The following ATG16L1 variants were observed in gnomAD, a reference collection of about 807,000 sequenced individuals.
ATG16L1 encodes the protein autophagy related 16 like 1, also known as autophagy-related protein 16-1.
ATG16L1 carries 37 observed loss-of-function variants against 88.5 expected under a neutral mutation model. The ratio of observed to expected loss-of-function variants is 0.42; its 90% CI spans 0.32 to 0.55. The LOEUF is 0.55. Among genes scored for constraint, ATG16L1 ranks in the 20% least tolerant of loss-of-function variants. The pLI, the probability that ATG16L1 is intolerant of heterozygous loss-of-function variation, is 0.13. For synonymous variants in ATG16L1, 301 were observed against 281.0 expected, an observed-to-expected ratio of 1.07 and a Z score of -0.71; for missense variants, 554 against 752.8, an observed-to-expected ratio of 0.74 and a Z score of 3.09.
At chr2:233,272,304 T>C (rs146910824) in intron 6 of ATG16L1, among the ~76,000 whole-genome samples, 53 of 152,348 alleles carry the variant, frequency 3.5e-4, no homozygotes, top group African/African-American at 1.3e-3. Flanking sequence ...TCCTATGACT[T>C]GATTATGTCA....
At position 233,251,680 on chromosome 2, in the gene ATG16L1, C is replaced by G. The variant is rs1696373717; in HGVS notation, c.-148C>G. On this transcript the variant is annotated 5_prime_UTR_variant, in exon 1 of 18. Coordinates refer to ENST00000392017, the MANE Select transcript of ATG16L1 (RefSeq NM_030803.7). ...TTTCCGGCATGAGCCGGAAGACCGT[C>G]CCGGATGGCCTCGGGGACTGCCAGT... 1.5e-6 allele frequency: 1 copy of G among 679,886 alleles called. No individual in the cohort carries two copies. The highest frequency in any genetic ancestry group is 3.0e-5 in the East Asian group (1 of 33,474). 42.1% of individuals were successfully genotyped at this position (679,886 alleles called of 1,614,324 possible). A position where few individuals can be genotyped will look rare whatever the true frequency, so the allele number is the denominator to read the frequency against.
At chr2:233,284,662 G>C (rs1698958771) in intron 12 of ATG16L1, among the ~76,000 whole-genome samples, 2 of 152,072 alleles carry the variant, frequency 1.3e-5, no homozygotes, top group South Asian at 4.1e-4. Flanking sequence ...TAGAGACGGG[G>C]TTTCCCCATG....
chr2:233,293,443 G>C, intron 17 of ATG16L1, 86 bp downstream of exon 17: 1 of 1,276,140 alleles, frequency 7.8e-7, no homozygotes, highest in African/African-American at 1.5e-5. Flanking sequence ...TTAGACCTCA[G>C]TCGGCGCTGT....
intron 9 of ATG16L1, chr2:233,277,283 TAGAAC>T: frequency 7.2e-6 from 2 of 277,446 alleles, no homozygotes; most frequent in Non-Finnish European, 7.0e-6. Context: ...CCATTATTGT[TAGAAC>T]AGATGAAATT....
intron 14 of ATG16L1, among the ~76,000 whole-genome samples, chr2:233,291,584 T>C (rs1482389410): frequency 1.3e-5 from 2 of 152,110 alleles, no homozygotes; most frequent in Non-Finnish European, 2.9e-5. Context: ...GGGTGGCTGT[T>C]AGCCACCCTG....
chr2:233,253,553 C>T (rs760701824), intron 1 of ATG16L1, among the ~76,000 whole-genome samples: 1 of 151,944 alleles, frequency 6.6e-6, no homozygotes, highest in Non-Finnish European at 1.5e-5. Context: ...ACCATGTTGG[C>T]CAGGCGGATC....
chr2:233,274,281 T>G, intron 8 of ATG16L1: 1 of 516,828 alleles, frequency 1.9e-6, no homozygotes, highest in South Asian at 3.4e-5. Flanking sequence ...TCACAAGTGA[T>G]GAGGTTGATT....
chr2:233,257,771 C>A (rs1665727318), intron 2 of ATG16L1, among the ~76,000 whole-genome samples: 1 of 152,034 alleles, frequency 6.6e-6, no homozygotes, highest in South Asian at 2.1e-4. Flanking sequence ...CTTTGGGAGG[C>A]CAAGGCGGGT....
intron 5 of ATG16L1, among the ~76,000 whole-genome samples, chr2:233,265,586 C>G (rs1468509985): frequency 6.6e-6 from 1 of 152,204 alleles, no homozygotes; most frequent in Non-Finnish European, 1.5e-5. Flanking sequence ...TCTCCTGCCT[C>G]AGCCTCCTAA....
intron 16 of ATG16L1, 66 bp downstream of exon 16, chr2:233,292,500 A>G: frequency 6.2e-7 from 1 of 1,602,168 alleles, no homozygotes; most frequent in Non-Finnish European, 8.5e-7. Flanking sequence ...GCATTTTCCC[A>G]CTGGGGATAT....
At chr2:233,286,334 C>T (rs1431032755) in intron 12 of ATG16L1, among the ~76,000 whole-genome samples, 1 of 152,152 alleles carries the variant, frequency 6.6e-6, no homozygotes, top group Admixed American at 6.5e-5. Flanking sequence ...CTTTGAGGCC[C>T]CGGCCTTGAT....
intron 6 of ATG16L1, among the ~76,000 whole-genome samples, chr2:233,271,092 A>G (rs1334309027): frequency 6.6e-6 from 1 of 152,224 alleles, no homozygotes; most frequent in Admixed American, 6.5e-5. Context: ...CAAGCCACAA[A>G]GTAAATAAAT....
At position 233,293,370 on chromosome 2, in the gene ATG16L1, C is replaced by T. The variant is rs1187777107; in HGVS notation, c.1730+13C>T. 6.2e-7 allele frequency: 1 copy of T among 1,607,486 alleles called. No individual in the cohort carries two copies. Among genetic ancestry groups the T allele is most frequent in the East Asian group, 2.2e-5 (1 of 44,850 alleles). ...CAAAGCAGCACAGGTAAGATGAACC[C>T]TGTCTCAGCCCCCCGTTGCGTTGTG... On this transcript the variant is annotated intron_variant, in intron 17 of 17. Coordinates refer to ENST00000392017, the MANE Select transcript of ATG16L1 (RefSeq NM_030803.7).
Position 233,270,082 on chromosome 2 carries a change from A to T in ATG16L1, c.707+15A>T, listed in dbSNP as rs1213831218. 16 of 1,565,490 alleles carry T rather than the reference A, an allele frequency of 1.0e-5. No individual in the cohort carries two copies. The highest frequency in any genetic ancestry group is 1.4e-5 in the Non-Finnish European group (16 of 1,163,752). ...CCAGTCGAACAGTAAGTAAAGATAA[A>T]TGAATCAAAACTGTGTTTCTGAAAA... On this transcript the variant is annotated intron_variant, in intron 6 of 17. Coordinates refer to ENST00000392017, the MANE Select transcript of ATG16L1 (RefSeq NM_030803.7).
chr2:233,267,340 C>T (rs1287415272), intron 5 of ATG16L1, among the ~76,000 whole-genome samples: 1 of 152,224 alleles, frequency 6.6e-6, no homozygotes, highest in Non-Finnish European at 1.5e-5. Context: ...CAGAGCAAGA[C>T]TCTGCCTCAA....
At position 233,251,929 on chromosome 2, in the gene ATG16L1, G is replaced by A. The variant is rs1180735990; in HGVS notation, c.102G>A (p.Glu34=). The A allele has an allele frequency of 6.5e-7, 1 of 1,548,964 alleles. No homozygotes were observed. Among genetic ancestry groups the A allele is most frequent in the South Asian group, 1.2e-5 (1 of 84,016 alleles). The change falls in exon 1 of 18, where the codon GAG becomes GAA. Residue 34 remains glutamate (E), a synonymous_variant. Coordinates refer to ENST00000392017, the MANE Select transcript of ATG16L1 (RefSeq NM_030803.7). ...GGCTGCAGAGACAGGCGTTCGAGGAGATCATCCTGCAGTGTGAGCGGCGCC... is the reference window on the plus strand; with the variant it reads ...GGCTGCAGAGACAGGCGTTCGAGGAAATCATCCTGCAGTGTGAGCGGCGCC... ...RDRLQRQAFE[E]IILQYNKLLE...
chr2:233,268,876 C>T (rs991971990), intron 5 of ATG16L1, among the ~76,000 whole-genome samples: 17 of 152,298 alleles, frequency 1.1e-4, no homozygotes, highest in East Asian at 5.8e-4. Flanking sequence ...GAATTACCAC[C>T]GTGGTAAAAA....
chr2:233,255,947 A>G (rs192752957), intron 1 of ATG16L1, among the ~76,000 whole-genome samples, 155 bp from the exon 2 acceptor site: 2 of 152,338 alleles, frequency 1.3e-5, no homozygotes, highest in African/African-American at 4.8e-5. Flanking sequence ...TCCCTTTAAT[A>G]GGGAAGACAT....
In ATG16L1 at chr2:233,282,457, T is replaced by A. The variant is rs117809958; in HGVS notation, c.1132-225T>A. ...GGTTCCATTTGGAGCTTGAGGTGTC[T>A]GCAATATTCTGATGAAATTGAGCAA... On this transcript the variant is annotated intron_variant, in intron 11 of 17. Transcript: ENST00000392017. 1.4e-3 allele frequency among the ~76,000 whole-genome samples: 213 copies of A among 152,140 alleles called. 1 individual carries two copies. In the East Asian group the frequency reaches 0.022, roughly 16 times the overall value.
Sources: allele counts gnomAD v4.1 joint callset (sites outside exome capture counted in the v4.1 genomes callset), GRCh38; gene constraint gnomAD v4.1.1; transcripts MANE v1.5; gene names NCBI Gene and HGNC (gene_info 2026-07-23, HGNC 2026-07-21).